Variants in NECTIN2 observed in about 807,000 individuals in gnomAD.
NECTIN2 encodes nectin cell adhesion molecule 2, also known as nectin-2.
Under a neutral mutation model 56.9 loss-of-function variants are expected in NECTIN2, and 23 were observed. The ratio of observed to expected loss-of-function variants is 0.40; its 90% CI spans 0.29 to 0.57. NECTIN2 has a LOEUF of 0.57. Among genes scored for constraint, NECTIN2 ranks in the 20% least tolerant of loss-of-function variants. The probability of loss-of-function intolerance (pLI) is 0.38; values close to 1 mark genes in which losing one functional copy is unlikely to be tolerated. For synonymous variants in NECTIN2, 302 were observed against 313.8 expected (o/e 0.96, Z 0.40); for missense variants, 587 against 718.3 (o/e 0.82, Z 2.09).
chr19:44,887,223 C>T (rs1475205111), intron 8 of NECTIN2, among the ~76,000 whole-genome samples: 4 of 152,070 alleles, frequency 2.6e-5, no homozygotes, highest in Non-Finnish European at 5.9e-5. Flanking sequence ...GTGACATGCT[C>T]CTGTAATCCC....
chr19:44,850,954 C>G (rs1440739731), intron 1 of NECTIN2, among the ~76,000 whole-genome samples: 1 of 152,150 alleles, frequency 6.6e-6, no homozygotes, highest in Non-Finnish European at 1.5e-5. Context: ...AAGCCAGGCC[C>G]TGGGGAGCCA....
At chr19:44,848,859 C>A (rs190811141) in intron 1 of NECTIN2, among the ~76,000 whole-genome samples, 1 of 152,158 alleles carries the variant, frequency 6.6e-6, no homozygotes, top group Non-Finnish European at 1.5e-5. Flanking sequence ...CTGCCTCCCC[C>A]GCTTGGCCTC....
At chr19:44,859,566 G>A (rs1386586241) in intron 1 of NECTIN2, among the ~76,000 whole-genome samples, 2 of 152,200 alleles carry the variant, frequency 1.3e-5, no homozygotes, top group Non-Finnish European at 2.9e-5. Context: ...GCTCACGCCT[G>A]TAATCCCAGC....
intron 5 of NECTIN2, among the ~76,000 whole-genome samples, chr19:44,881,525 A>G (rs1218486668): frequency 1.0e-5 from 1 of 99,872 alleles, no homozygotes; most frequent in Non-Finnish European, 2.4e-5. Context: ...AAAAAATTCA[A>G]AAAAAAAAAA....
intron 5 of NECTIN2, chr19:44,878,728 G>A: frequency 1.3e-6 from 2 of 1,486,032 alleles, no homozygotes; most frequent in African/African-American, 1.4e-5. Flanking sequence ...GACGACACTG[G>A]AGTGGAACAC....
chr19:44,878,288 C>A, intron 5 of NECTIN2: 1 of 1,310,246 alleles, frequency 7.6e-7, no homozygotes, highest in Non-Finnish European at 1.1e-6. Flanking sequence ...GGGGACACTG[C>A]TGGTGCTGCT....
intron 1 of NECTIN2, among the ~76,000 whole-genome samples, chr19:44,854,079 C>T (rs1968934715): frequency 6.6e-6 from 1 of 151,188 alleles, no homozygotes; most frequent in Non-Finnish European, 1.5e-5. Flanking sequence ...AAGAACCCCC[C>T]GAGGAGTGTG....
chr19:44,849,182 T>C (rs1173556994), intron 1 of NECTIN2, among the ~76,000 whole-genome samples: 1 of 149,392 alleles, frequency 6.7e-6, no homozygotes, highest in Non-Finnish European at 1.5e-5. Context: ...AATCAGAGGA[T>C]AGAAGGGGAG....
intron 1 of NECTIN2, among the ~76,000 whole-genome samples, chr19:44,862,416 A>G (rs1256724564): frequency 9.3e-6 from 1 of 107,692 alleles, no homozygotes; most frequent in East Asian, 2.9e-4. Context: ...CTCCGTCTCA[A>G]AAAAAAAAAA....
intron 2 of NECTIN2, among the ~76,000 whole-genome samples, chr19:44,871,122 T>C (rs904800811): frequency 6.6e-6 from 1 of 152,166 alleles, no homozygotes; most frequent in Non-Finnish European, 1.5e-5. Flanking sequence ...CTCCTCAGCC[T>C]CCTAAAGTGC....
chr19:44,886,517 T>C (rs1375074770), intron 8 of NECTIN2, among the ~76,000 whole-genome samples: 4 of 151,764 alleles, frequency 2.6e-5, no homozygotes, highest in African/African-American at 9.7e-5. Flanking sequence ...GGTCAGGAGT[T>C]CGAGACCAGC....
intron 1 of NECTIN2, among the ~76,000 whole-genome samples, chr19:44,849,728 G>C (rs2122623565): frequency 6.6e-6 from 1 of 152,236 alleles, no homozygotes; most frequent in South Asian, 2.1e-4. Flanking sequence ...AGAACCCCAG[G>C]AATCAAGGCA....
Position 44,885,307 on chromosome 19 carries a change from CTTT to C in NECTIN2, c.1197-610_1197-608del, listed in dbSNP as rs34485333. ...CACCACGCCTGGCTGATCTTTCTTT[CTTT>C]TTTTTTTTTTTTTTTTTTTAATTTG... On this transcript the variant is annotated intron_variant, in intron 6 of 8. Coordinates refer to ENST00000252483, the MANE Select transcript of NECTIN2 (RefSeq NM_001042724.2). Among the ~76,000 whole-genome samples the C allele has an allele frequency of 1.1e-3, 122 of 112,934 alleles. 2 individuals carry two copies. The highest frequency in any genetic ancestry group is 4.6e-3 in the East Asian group (16 of 3,510). 74.1% of individuals were successfully genotyped at this position (112,934 alleles called of 152,430 possible).
At position 44,888,424 on chromosome 19, in the gene NECTIN2, A is replaced by G. The variant is rs1969385604; in HGVS notation, c.*45A>G. The G allele has an allele frequency of 6.3e-7, 1 of 1,577,470 alleles. No homozygotes were observed. The highest frequency in any genetic ancestry group is 1.3e-5 in the African/African-American group (1 of 74,146). The stretch of plus-strand genomic sequence containing the variant: ...CTCACATCTCACCTGTTGATCCCTT[A>G]GCTTTCTTGCCAAGGATCTAGTGCC... On this transcript the variant is annotated 3_prime_UTR_variant, in exon 9 of 9. Transcript: ENST00000252483.
In NECTIN2 at chr19:44,846,371, C is replaced by T; in HGVS notation, c.-155C>T. ...GCCGAGCCGGGCGGGGAGAGCTGGG[C>T]CGGGAGAGCAGAACAGGGAGGCTAG... On this transcript the variant is annotated 5_prime_UTR_variant, in exon 1 of 9. Coordinates refer to ENST00000252483, the MANE Select transcript of NECTIN2 (RefSeq NM_001042724.2). The T allele has an allele frequency of 1.0e-6, 1 of 961,764 alleles. No homozygotes were observed. Among genetic ancestry groups the T allele is most frequent in the Non-Finnish European group, 1.4e-6 (1 of 711,068 alleles). The allele number at this position is 961,764 out of a possible 1,614,324, so 59.6% of individuals were successfully genotyped here.
chr19:44,878,477 C>T (rs369076443), intron 5 of NECTIN2: 1 of 1,612,668 alleles, frequency 6.2e-7, no homozygotes. Flanking sequence ...TCCCATGGAA[C>T]CAGATGGCAA....
chr19:44,863,241 G>T (rs183427010), intron 1 of NECTIN2, among the ~76,000 whole-genome samples: 1 of 151,962 alleles, frequency 6.6e-6, no homozygotes, highest in Non-Finnish European at 1.5e-5. Context: ...AGGCTGAGGC[G>T]GGCTGCTCAC....
rs766070719 is a variant in NECTIN2, at chr19:44,865,543, C to T, written c.361C>T (p.Gln121Ter). 1 of 1,572,916 alleles carries T rather than the reference C, an allele frequency of 6.4e-7. No homozygotes were observed. The highest frequency in any genetic ancestry group is 1.2e-5 in the South Asian group (1 of 86,896). The change falls in exon 2 of 9, where the codon CAG (glutamine) becomes TAG (stop). Residue 121 changes from glutamine to a stop codon, truncating the protein, a stop_gained. Transcript: ENST00000252483. LOFTEE classifies it high-confidence loss of function. This position sits in a 1 kb window ranked among gnomAD's most constrained non-coding sequence, Gnocchi z 5.2. ...STGQDTEAELQDATLALHGLT... is the reference protein window; with the variant it reads ...STGQDTEAEL ...TGGGCAAGACACAGAGGCAGAGCTC[C>T]AGGACGCCACGCTGGCCCTCCACGG... is the stretch of plus-strand genomic sequence containing the variant.
Position 44,888,495 on chromosome 19 carries a change from C to A in NECTIN2, c.*116C>A. Reference sequence around the variant, plus strand: ...ACTGTCAGTTAACACATATGCATTCCATTTGTGATGTCTACCTTGGTGGCT... The same window carrying A: ...ACTGTCAGTTAACACATATGCATTCAATTTGTGATGTCTACCTTGGTGGCT... On this transcript the variant is annotated 3_prime_UTR_variant, in exon 9 of 9. Coordinates refer to ENST00000252483, the MANE Select transcript of NECTIN2 (RefSeq NM_001042724.2). 1 of 1,137,114 alleles carries A rather than the reference C, an allele frequency of 8.8e-7. No homozygotes were observed. The allele number at this position is 1,137,114 out of a possible 1,614,324, so 70.4% of individuals were successfully genotyped here. A position where few individuals can be genotyped will look rare whatever the true frequency, so the allele number is the denominator to read the frequency against.
Sources: gnomAD v4.1 joint callset for allele counts (sites outside exome capture counted in the v4.1 genomes callset) on GRCh38, gnomAD v4.1.1 for gene constraint, Gnocchi (gnomAD v3.1) non-coding constraint, MANE v1.5 for transcripts, NCBI Gene and HGNC (gene_info 2026-07-23, HGNC 2026-07-21) for gene names.